Variants in NEK8 observed in about 807,000 individuals in gnomAD.
The protein encoded by NEK8 is NIMA related kinase 8, also known as serine/threonine-protein kinase Nek8.
NEK8 carries 51 observed loss-of-function variants against 77.2 expected under a neutral mutation model. The ratio of observed to expected loss-of-function variants is 0.66; its 90% confidence interval spans 0.53 to 0.83. NEK8 has a LOEUF of 0.83. Ranked by LOEUF, NEK8 falls within the 40% of genes least tolerant of loss-of-function variation. NEK8 has a pLI of 0.00. For synonymous variants in NEK8, 365 were observed against 363.2 expected, an observed-to-expected ratio of 1.00 and a Z score of -0.06; for missense variants, 787 against 909.2, an observed-to-expected ratio of 0.87 and a Z score of 1.73.
chr17:28,741,286 T>TGG lies in NEK8; in HGVS notation c.1891+54_1891+55dup, dbSNP rs559869807. 1 of 1,295,860 alleles carries TGG rather than the reference T, an allele frequency of 7.7e-7. No individual in the cohort carries two copies. Among genetic ancestry groups the TGG allele is most frequent in the East Asian group, 2.7e-5 (1 of 37,240 alleles). The allele number at this position is 1,295,860 out of a possible 1,614,324, so 80.3% of individuals were successfully genotyped here. Reference sequence around the variant, plus strand: ...AGACAGTGCCATGAGCAGTGGGGGGTGGGGGTTGCTATTCAGGGCCACTGG... The same window carrying TGG: ...AGACAGTGCCATGAGCAGTGGGGGGTGGGGGGGTTGCTATTCAGGGCCACTGG... On this transcript the variant is annotated intron_variant, in intron 13 of 14. Transcript: ENST00000268766. The surrounding 1 kb of genome is among the most constrained non-coding windows in gnomAD (Gnocchi z 4.5).
Position 28,738,193 on chromosome 17 carries a change from T to C in NEK8, c.1170T>C (p.Gly390=), listed in dbSNP as rs3809797. The stretch of plus-strand genomic sequence containing the variant: ...CGCGTTTCCTGGAGGGCCAGTCGGG[T>C]GTGACCATCAAGCACGTGGCCTGTG... The part of the protein sequence containing the change: ...FISRFLEGQS[G]VTIKHVACGD... Residue 390 remains glycine, a synonymous_variant, in exon 8 of 15, where the codon GGT becomes GGC. Transcript: ENST00000268766. 180,773 of 1,613,942 alleles carry C rather than the reference T, an allele frequency of 0.11. 13,316 individuals carry two copies. Among genetic ancestry groups the C allele is most frequent in the African/African-American group, 0.33 (24,967 of 74,926 alleles).
chr17:28,731,776 T>C (rs1369384626), intron 1 of NEK8, among the ~76,000 whole-genome samples: 1 of 150,646 alleles, frequency 6.6e-6, no homozygotes, highest in African/African-American at 2.4e-5. Context: ...GCTAATTTTT[T>C]TGTATTTTTT....
In NEK8 at chr17:28,741,478, G is replaced by A. The variant is rs756405390; in HGVS notation, c.1957G>A (p.Gly653Arg). ...GRLGRRDEDA[G>R]LPRPVQLDET... ...ATTGGGAAGGAGGGATGAGGATGCC[G>A]GACTCCCTCGGCCAGTGCAGTTGGA... The change falls in exon 14 of 15, where the codon GGA (glycine) becomes AGA (arginine). Residue 653 changes from glycine (G) to arginine (R), a missense_variant. By Grantham distance (125) the Gly-to-Arg change is moderately radical. Around this residue, in one of 2 missense-constraint regions of NEK8, gnomAD observed 516 missense variants for 544.0 expected, o/e 0.95. Transcript: ENST00000268766. The surrounding 1 kb of genome is among the most constrained non-coding windows in gnomAD (Gnocchi z 4.5). 3.1e-6 allele frequency: 5 copies of A among 1,614,130 alleles called. No homozygotes were observed. The highest frequency in any genetic ancestry group is 2.2e-5 in the South Asian group (2 of 91,086).
At chr17:28,739,955 T>C (rs1487076820) in intron 10 of NEK8, among the ~76,000 whole-genome samples, 1 of 151,990 alleles carries the variant, frequency 6.6e-6, no homozygotes. Context: ...TAATGTCAAC[T>C]GGAGGAGAGA....
At position 28,740,607 on chromosome 17, in the gene NEK8, GC is replaced by G; in HGVS notation, c.1563del (p.Ser521ArgfsTer28). ...TVPGQALACG[S>X]NRFNKLGLDH... ...CCTGGCCAAGCCCTAGCCTGTGGGA[GC>G]AACAGGTGAATAGATCATCAGGATG... On this transcript the variant is annotated frameshift_variant, in exon 11 of 15. Coordinates refer to ENST00000268766, the MANE Select transcript of NEK8 (RefSeq NM_178170.3). LOFTEE classifies it high-confidence loss of function. This position sits in a 1 kb window ranked among gnomAD's most constrained non-coding sequence, Gnocchi z 4.7. The G allele has an allele frequency of 6.2e-7, 1 of 1,614,118 alleles. No homozygotes were observed. Among genetic ancestry groups the G allele is most frequent in the Non-Finnish European group, 8.5e-7 (1 of 1,179,988 alleles).
At chr17:28,733,913 C>A in intron 1 of NEK8, 70 bp from the exon 2 acceptor site, 1 of 1,322,852 alleles carries the variant, frequency 7.6e-7, no homozygotes, top group Non-Finnish European at 1.1e-6. Context: ...AGTCACTAGG[C>A]TGCACCGCCC....
rs1016304124 is a variant in NEK8, at chr17:28,740,937, C to T, written c.1684C>T (p.Pro562Ser). ...AGGCTCTGCACCCCTGGACCAGGAG[C>T]CTCTGCTGAGTATAGACCTGGGCAC... ...LLGSAPLDQE[P>S]LLSIDLGTAH... The change falls in exon 12 of 15, where the codon CCT becomes TCT. Residue 562 changes from proline to serine, a missense_variant. Pro to Ser is a moderately conservative substitution (Grantham distance 74). This residue lies in a region of NEK8 where 516 missense variants were observed against 544.0 expected (regional missense o/e 0.95). Transcript: ENST00000268766. This position sits in a 1 kb window ranked among gnomAD's most constrained non-coding sequence, Gnocchi z 4.7. 1.2e-6 allele frequency: 2 copies of T among 1,614,176 alleles called. No individual in the cohort carries two copies. Among genetic ancestry groups the T allele is most frequent in the African/African-American group, 1.3e-5 (1 of 75,050 alleles).
chr17:28,740,653 T>C lies in NEK8; in HGVS notation c.1568+40T>C. 1 of 1,612,112 alleles carries C rather than the reference T, an allele frequency of 6.2e-7. No individual in the cohort carries two copies. ...AGGATGACTAACCTGCCCCTGGCTC[T>C]CCTTGGCTGCAAGTGCTCCGTCCAT... On this transcript the variant is annotated intron_variant, in intron 11 of 14. Coordinates refer to ENST00000268766, the MANE Select transcript of NEK8 (RefSeq NM_178170.3). This position sits in a 1 kb window ranked among gnomAD's most constrained non-coding sequence, Gnocchi z 4.7.
In NEK8 at chr17:28,742,056, G is replaced by A; in HGVS notation, c.*69G>A. ...TCTGAATGCTCTGAAAAGTGCAGGT[G>A]CCCAAGGCATGACTTGCAGCTGTCT... On this transcript the variant is annotated 3_prime_UTR_variant, in exon 15 of 15. Coordinates refer to ENST00000268766, the MANE Select transcript of NEK8 (RefSeq NM_178170.3). 3 of 1,453,988 alleles carry A rather than the reference G, an allele frequency of 2.1e-6. No individual in the cohort carries two copies. Among genetic ancestry groups the A allele is most frequent in the Admixed American group, 1.7e-5 (1 of 59,840 alleles). The allele number at this position is 1,453,988 out of a possible 1,614,324, so 90.1% of individuals were successfully genotyped here.
At chr17:28,730,144 G>T (rs2034292701) in intron 1 of NEK8, among the ~76,000 whole-genome samples, 1 of 152,092 alleles carries the variant, frequency 6.6e-6, no homozygotes. Flanking sequence ...ACGGAGTCTT[G>T]CACTGTCGCT....
At position 28,741,194 on chromosome 17, in the gene NEK8, A is replaced by C. The variant is rs1421469001; in HGVS notation, c.1849A>C (p.Met617Leu). ...AGGCCTTGAGGGCATCAAGATGGCA[A>C]TGGTAGCCTGTGGGGATGCCTTCAC... ...VQGLEGIKMAMVACGDAFTVA... is the reference protein window; with the variant it reads ...VQGLEGIKMALVACGDAFTVA... The change falls in exon 13 of 15, where the codon ATG (methionine) becomes CTG (leucine). Residue 617 changes from methionine (M) to leucine (L), a missense_variant. Physicochemically the swap from Met to Leu is conservative, Grantham distance 15 (BLOSUM62 2). Around this residue, in one of 2 missense-constraint regions of NEK8, gnomAD observed 516 missense variants for 544.0 expected, o/e 0.95. Transcript: ENST00000268766. The surrounding 1 kb of genome is among the most constrained non-coding windows in gnomAD (Gnocchi z 4.5). 6.2e-7 allele frequency: 1 copy of C among 1,612,622 alleles called. No individual in the cohort carries two copies. Among genetic ancestry groups the C allele is most frequent in the African/African-American group, 1.3e-5 (1 of 74,812 alleles).
In NEK8 at chr17:28,742,532, G is replaced by A. The variant is rs1261778496; in HGVS notation, c.*545G>A. ...TGGCGTAAACCCCTCCAGCCTGGGCGACAGAACCAGACTCCGTCTCAAAAA... is the reference window on the plus strand; with the variant it reads ...TGGCGTAAACCCCTCCAGCCTGGGCAACAGAACCAGACTCCGTCTCAAAAA... On this transcript the variant is annotated 3_prime_UTR_variant, in exon 15 of 15. Coordinates refer to ENST00000268766, the MANE Select transcript of NEK8 (RefSeq NM_178170.3). 16 of 147,022 alleles carry A rather than the reference G, an allele frequency of 1.1e-4. No individual in the cohort carries two copies. Among genetic ancestry groups the A allele is most frequent in the Admixed American group, 8.1e-4 (12 of 14,728 alleles). The allele number at this position is 147,022 out of a possible 1,614,324, so 9.1% of individuals were successfully genotyped here.
intron 1 of NEK8, chr17:28,732,895 A>C: frequency 7.0e-6 from 1 of 143,764 alleles, no homozygotes; most frequent in Non-Finnish European, 1.5e-5. Flanking sequence ...TTTTGTTTTG[A>C]GACCATCTCA....
At position 28,741,268 on chromosome 17, in the gene NEK8, G is replaced by A; in HGVS notation, c.1891+32G>A. On this transcript the variant is annotated intron_variant, in intron 13 of 14. Transcript: ENST00000268766. The surrounding 1 kb of genome is among the most constrained non-coding windows in gnomAD (Gnocchi z 4.5). ...ACTGAGCATGGTGGGGGCAGACAGT[G>A]CCATGAGCAGTGGGGGGTGGGGGTT... The A allele has an allele frequency of 6.3e-7, 1 of 1,594,044 alleles. No individual in the cohort carries two copies. The highest frequency in any genetic ancestry group is 1.1e-5 in the South Asian group (1 of 88,094).
Position 28,740,791 on chromosome 17 carries a change from A to G in NEK8, c.1569-31A>G. The stretch of plus-strand genomic sequence containing the variant: ...CCAGCTCCTGCCCAAACTGTCTGTC[A>G]GTTGGATTTGGCTTCTGGCTCTGCC... On this transcript the variant is annotated intron_variant, in intron 11 of 14. Transcript: ENST00000268766. The surrounding 1 kb of genome is among the most constrained non-coding windows in gnomAD (Gnocchi z 4.7). 4 of 1,612,706 alleles carry G rather than the reference A, an allele frequency of 2.5e-6. No individual in the cohort carries two copies. The highest frequency in any genetic ancestry group is 3.4e-6 in the Non-Finnish European group (4 of 1,179,828).
intron 8 of NEK8, 137 bp downstream of exon 8, chr17:28,738,382 T>G: frequency 8.8e-7 from 1 of 1,130,246 alleles, no homozygotes; most frequent in Middle Eastern, 2.8e-4. Context: ...TAGTAACTAT[T>G]GAGGAGATTT....
chr17:28,735,641 G>C (rs1193412653), intron 4 of NEK8, among the ~76,000 whole-genome samples: 1 of 152,048 alleles, frequency 6.6e-6, no homozygotes, highest in East Asian at 1.9e-4. Flanking sequence ...CAGCATGCTG[G>C]GGTTTCTGAG....
intron 1 of NEK8, among the ~76,000 whole-genome samples, chr17:28,730,641 G>T (rs889528106): frequency 3.9e-5 from 6 of 152,188 alleles, no homozygotes; most frequent in African/African-American, 7.2e-5. Flanking sequence ...AAGGGGCAGG[G>T]TGCAGTGGCT....
At chr17:28,732,121 G>A (rs549361285) in intron 1 of NEK8, among the ~76,000 whole-genome samples, 2 of 150,966 alleles carry the variant, frequency 1.3e-5, no homozygotes, top group South Asian at 4.2e-4. Flanking sequence ...TAGTAGAGAC[G>A]GGGTTTCATC....
Sources: gnomAD v4.1 joint callset for allele counts (sites outside exome capture counted in the v4.1 genomes callset) on GRCh38, gnomAD v4.1.1 for gene constraint, gnomAD v4.1.1 regional missense constraint, Gnocchi (gnomAD v3.1) non-coding constraint, MANE v1.5 for transcripts, NCBI Gene and HGNC (gene_info 2026-07-23, HGNC 2026-07-21) for gene names.